PRSS23: variants seen among roughly 807,000 people sequenced by gnomAD.
PRSS23 encodes the protein protease, serine 23.
Under a neutral mutation model 34.7 loss-of-function variants are expected in PRSS23, and 25 were observed. That is an observed-to-expected ratio of 0.72 (90% CI 0.53 to 1.01). PRSS23 has a LOEUF of 1.01. PRSS23 is among the 50% of genes least tolerant of loss of function. The pLI, the probability that PRSS23 is intolerant of heterozygous loss-of-function variation, is 0.00. For missense variants in PRSS23, 445 were observed against 475.6 expected, an observed-to-expected ratio of 0.94 and a Z score of 0.60; for synonymous variants, 176 against 186.6, an observed-to-expected ratio of 0.94 and a Z score of 0.46.
rs561205308 is a variant in PRSS23 at position 86,861,062 on chromosome 11, C to T, written c.206+37469C>T. On this transcript the variant is annotated intron_variant, in intron 2 of 2. Coordinates refer to the PRSS23 transcript ENST00000533902. ...GTGTACATCCCTCTGTCACATTGTTCGTAATGTTTAACGGGAAAGATAATA... is the reference window on the plus strand; with the variant it reads ...GTGTACATCCCTCTGTCACATTGTTTGTAATGTTTAACGGGAAAGATAATA... Among the ~76,000 whole-genome samples, 35 of 151,528 alleles carry T rather than the reference C, an allele frequency of 2.3e-4. No individual in the cohort carries two copies. The South Asian group carries it at 5.7e-3, about 24-fold the overall frequency.
At chr11:86,881,066 C>A (rs1349196323) in intron 2 of PRSS23, among the ~76,000 whole-genome samples, 1 of 152,074 alleles carries the variant, frequency 6.6e-6, no homozygotes, top group Non-Finnish European at 1.5e-5. Context: ...TGGCTAGAAC[C>A]TCCAGTATAA....
At chr11:86,859,849 A>C (rs550481119) in intron 2 of PRSS23, among the ~76,000 whole-genome samples, 1 of 152,044 alleles carries the variant, frequency 6.6e-6, no homozygotes, top group South Asian at 2.1e-4. Context: ...GGACACCTCC[A>C]GTGTGATATT....
rs1392751474 is a variant in PRSS23 at position 86,929,705 on chromosome 11, A to G, written c.207-21511A>G. Among the ~76,000 whole-genome samples, 3 of 152,346 alleles carry G rather than the reference A, an allele frequency of 2.0e-5. No homozygotes were observed. The East Asian group carries it at 5.8e-4, about 29-fold the overall frequency. On this transcript the variant is annotated intron_variant, in intron 2 of 2. Coordinates refer to the PRSS23 transcript ENST00000533902. ...TTTGGTTTCCAGGAAATTATGCTTC[A>G]AGTGTTCTCACACTCATAAGAAATA... is the stretch of plus-strand genomic sequence containing the variant.
At chr11:86,792,866 G>GT (rs938619915) in intron 1 of PRSS23, among the ~76,000 whole-genome samples, 1 of 152,140 alleles carries the variant, frequency 6.6e-6, no homozygotes, top group African/African-American at 2.4e-5. Flanking sequence ...TACGGATGAC[G>GT]TTTTTCAAAC....
rs567806391 is a variant in PRSS23, at chr11:86,903,256, A to G, written c.207-47960A>G. 5.8e-4 allele frequency among the ~76,000 whole-genome samples: 89 copies of G among 152,246 alleles called. 1 individual carries two copies. Among genetic ancestry groups the G allele is most frequent in the African/African-American group, 2.1e-3 (89 of 41,516 alleles). The stretch of plus-strand genomic sequence containing the variant: ...TTCCACAATCACAGTTAAAAGGTAT[A>G]AAAAATATGATATCCAGCAAAATAT... On this transcript the variant is annotated intron_variant, in intron 2 of 2. Coordinates refer to the PRSS23 transcript ENST00000533902.
At position 86,928,674 on chromosome 11, in the gene PRSS23, C is replaced by CAAAAAAAA. The variant is rs1212658424; in HGVS notation, c.207-22517_207-22510dup. Among the ~76,000 whole-genome samples the CAAAAAAAA allele has an allele frequency of 7.4e-4, 10 of 13,566 alleles. 1 individual carries two copies. The South Asian group carries it at 0.011, about 14-fold the overall frequency. 8.9% of individuals were successfully genotyped at this position (13,566 alleles called of 152,430 possible). On this transcript the variant is annotated intron_variant, in intron 2 of 2. Transcript: ENST00000533902. ...TGGGCGACAAAGCAAGACTCTGTCT[C>CAAAAAAAA]AAAAAAAAAAAAAAAAAAAAAAAAA... is the stretch of plus-strand genomic sequence containing the variant.
downstream of PRSS23, among the ~76,000 whole-genome samples, chr11:86,813,583 C>T (rs1383340220): frequency 6.6e-6 from 1 of 152,006 alleles, no homozygotes; most frequent in Non-Finnish European, 1.5e-5. Flanking sequence ...GTGTCTAGGG[C>T]CCACAGCAGT....
chr11:86,912,219 T>G (rs1184767370), intron 2 of PRSS23: 2 of 152,108 alleles, frequency 1.3e-5, no homozygotes, highest in African/African-American at 4.8e-5. Context: ...TTTGTTGTCA[T>G]TGTTGTTACT....
intron 2 of PRSS23, among the ~76,000 whole-genome samples, chr11:86,884,322 C>G (rs1414259140): frequency 6.6e-6 from 1 of 152,154 alleles, no homozygotes; most frequent in Non-Finnish European, 1.5e-5. Context: ...TGTTTTGAGA[C>G]AGAGTCTCAC....
intron 2 of PRSS23, among the ~76,000 whole-genome samples, chr11:86,829,661 T>G (rs1406585725): frequency 6.6e-6 from 1 of 150,968 alleles, no homozygotes; most frequent in African/African-American, 2.5e-5. Flanking sequence ...TACAGATGGG[T>G]TTTTGGTGTG....
intron 2 of PRSS23, among the ~76,000 whole-genome samples, chr11:86,898,105 G>T (rs1948888507): frequency 6.6e-6 from 1 of 152,180 alleles, no homozygotes; most frequent in Non-Finnish European, 1.5e-5. Flanking sequence ...TTTAATTGGA[G>T]GCTCATCTTA....
intron 1 of PRSS23, among the ~76,000 whole-genome samples, chr11:86,819,381 C>T (rs980337911): frequency 6.6e-6 from 1 of 151,992 alleles, no homozygotes. Context: ...ATTATTGGCT[C>T]CATTTTTTTT....
At chr11:86,796,293 C>T (rs1667892696), upstream of PRSS23, among the ~76,000 whole-genome samples, 1 of 152,142 alleles carries the variant, frequency 6.6e-6, no homozygotes, top group African/African-American at 2.4e-5. Context: ...AACTTTGAAC[C>T]TCAGAATCCT....
intron 2 of PRSS23, among the ~76,000 whole-genome samples, chr11:86,884,388 C>G (rs1233944050): frequency 6.6e-6 from 1 of 152,188 alleles, no homozygotes; most frequent in African/African-American, 2.4e-5. Context: ...CCACCTCCAC[C>G]TCCTGGGTTC....
In PRSS23 at chr11:86,844,773, A is replaced by G. The variant is rs1349602478; in HGVS notation, c.206+21180A>G. ...GTTCTATGGCATGTTGCTGGAAGGGATGAAAGAACAGGCAGCAAATAATTG... is the reference window on the plus strand; with the variant it reads ...GTTCTATGGCATGTTGCTGGAAGGGGTGAAAGAACAGGCAGCAAATAATTG... On this transcript the variant is annotated intron_variant, in intron 2 of 2. Transcript: ENST00000533902. Among the ~76,000 whole-genome samples, 5 of 152,200 alleles carry G rather than the reference A, an allele frequency of 3.3e-5. No individual in the cohort carries two copies. In the South Asian group the frequency reaches 6.2e-4, roughly 19 times the overall value.
At chr11:86,928,269 T>C (rs1023708428) in intron 2 of PRSS23, among the ~76,000 whole-genome samples, 1 of 148,294 alleles carries the variant, frequency 6.7e-6, no homozygotes, top group Non-Finnish European at 1.5e-5. Context: ...CTTATACATA[T>C]GTTTAATACA....
intron 1 of PRSS23, among the ~76,000 whole-genome samples, chr11:86,801,984 C>G (rs768657820): frequency 1.3e-5 from 2 of 152,180 alleles, no homozygotes; most frequent in Non-Finnish European, 2.9e-5. Context: ...TTTTGTAACA[C>G]TGACGACTTA....
At chr11:86,952,252 G>A in exon 3 of PRSS23, 3 of 1,614,188 alleles carry the variant, frequency 1.9e-6, no homozygotes, top group East Asian at 2.2e-5. Flanking sequence ...TGTGAGGTAA[G>A]GGCACCTCTT....
chr11:86,791,167 C>T (rs1361482394), exon 1 of PRSS23: 1 of 152,356 alleles, frequency 6.6e-6, no homozygotes, highest in Non-Finnish European at 1.5e-5. Context: ...GTGTGGCTTC[C>T]TTGTCTGACA....
Sources: allele counts gnomAD v4.1 joint callset (sites outside exome capture counted in the v4.1 genomes callset), GRCh38; gene constraint gnomAD v4.1.1; transcripts MANE v1.5; gene names NCBI Gene and HGNC (gene_info 2026-07-23, HGNC 2026-07-21).